Variants in RBFOX1 observed in about 807,000 individuals in gnomAD.
RBFOX1 encodes the protein RNA binding fox-1 homolog 1.
Under a neutral mutation model 57.7 loss-of-function variants are expected in RBFOX1, and 8 were observed. The observed-to-expected ratio is 0.14, with a 90% CI of 0.08 to 0.25. RBFOX1 has a LOEUF of 0.25. Among genes scored for constraint, RBFOX1 ranks in the 10% least tolerant of loss-of-function variants. The probability of loss-of-function intolerance (pLI) is 1.00; values close to 1 mark genes in which losing one functional copy is unlikely to be tolerated. For synonymous variants in RBFOX1, 326 were observed against 222.4 expected (o/e 1.47, Z -4.15); for missense variants, 611 against 548.5 (o/e 1.11, Z -1.14).
chr16:7,177,073 T>C (rs1310116670), intron 4 of RBFOX1, among the ~76,000 whole-genome samples: 1 of 152,214 alleles, frequency 6.6e-6, no homozygotes, highest in Non-Finnish European at 1.5e-5. Flanking sequence ...AGACATTGCC[T>C]GTCATAAAAA....
rs1006885711 is a variant in RBFOX1, at chr16:6,219,494, A to G, written c.-126-97501A>G. 3.3e-5 allele frequency among the ~76,000 whole-genome samples: 5 copies of G among 152,306 alleles called. No homozygotes were observed. The East Asian group carries it at 5.8e-4, about 18-fold the overall frequency. The stretch of plus-strand genomic sequence containing the variant: ...CGGTCAAGTCTGAGCTTCATTTTCT[A>G]TTGATCCAGTCGTGGTCTTTTCCAA... On this transcript the variant is annotated intron_variant, in intron 1 of 15. Coordinates refer to ENST00000550418, the MANE Select transcript of RBFOX1 (RefSeq NM_018723.4).
intron 4 of RBFOX1, among the ~76,000 whole-genome samples, chr16:5,923,708 T>A (rs1162295142): frequency 1.3e-5 from 2 of 151,876 alleles, no homozygotes; most frequent in Non-Finnish European, 2.9e-5. Flanking sequence ...CACCTGCTAA[T>A]TTTTGTGTTT....
rs2061494929 is a variant in RBFOX1, at chr16:6,699,322, A to C, written c.-16+44672A>C. On this transcript the variant is annotated intron_variant, in intron 3 of 15. Transcript: ENST00000550418. ...TACTTTTTTTTTTTTTTTTAAAGTG[A>C]CTTTCAGGATCAGTGACTAAAATAA... Among the ~76,000 whole-genome samples, 4 of 145,896 alleles carry C rather than the reference A, an allele frequency of 2.7e-5. No individual in the cohort carries two copies. The Admixed American group carries it at 2.7e-4, about 10-fold the overall frequency.
chr16:7,604,138 G>A (rs1295144516), intron 9 of RBFOX1, among the ~76,000 whole-genome samples: 2 of 152,144 alleles, frequency 1.3e-5, no homozygotes, highest in Admixed American at 1.3e-4. Context: ...TTTATTTTGA[G>A]CAACCAAGTA....
At chr16:6,262,036 C>CAAAA (rs747451048) in intron 1 of RBFOX1, among the ~76,000 whole-genome samples, 1 of 141,360 alleles carries the variant, frequency 7.1e-6, no homozygotes, top group Admixed American at 7.0e-5. Flanking sequence ...CTCAGAAAAA[C>CAAAA]AAAAAAAAAA....
rs535196780 is a variant in RBFOX1 at position 6,990,811 on chromosome 16, G to A, written c.-15-61246G>A. ...ACTGCTTGTTAAGGTCCAGGAAGCT[G>A]ATACATATCAGTGAGTGCTGATAAC... On this transcript the variant is annotated intron_variant, in intron 3 of 15. Coordinates refer to ENST00000550418, the MANE Select transcript of RBFOX1 (RefSeq NM_018723.4). 3.4e-4 allele frequency among the ~76,000 whole-genome samples: 51 copies of A among 152,236 alleles called. 2 individuals are homozygous for A. In the South Asian group the frequency reaches 3.7e-3, roughly 11 times the overall value.
In RBFOX1 at chr16:7,380,731, T is replaced by C. The variant is rs188723845; in HGVS notation, c.28-137416T>C. ...TTTTCGTTTGCACCTGAATATTCCA[T>C]GGCTATAGCCACAGCTAGAAATCCA... On this transcript the variant is annotated intron_variant, in intron 4 of 15. Transcript: ENST00000550418. 3.2e-3 allele frequency among the ~76,000 whole-genome samples: 484 copies of C among 152,182 alleles called. 2 individuals are homozygous for C. Among genetic ancestry groups the C allele is most frequent in the Non-Finnish European group, 5.5e-3 (375 of 67,976 alleles).
At chr16:5,624,279 C>G (rs970251139) in intron 3 of RBFOX1, among the ~76,000 whole-genome samples, 1 of 152,232 alleles carries the variant, frequency 6.6e-6, no homozygotes, top group East Asian at 1.9e-4. Context: ...ACTGCAAGCT[C>G]TACCTTCTGG....
intron 3 of RBFOX1, among the ~76,000 whole-genome samples, chr16:6,938,796 GT>G (rs1300326276): frequency 2.6e-5 from 4 of 152,122 alleles, no homozygotes; most frequent in African/African-American, 9.7e-5. Context: ...GCTGGGTGTG[GT>G]GGGTTGTGCC....
At chr16:7,030,202 T>G (rs1205655592) in intron 3 of RBFOX1, among the ~76,000 whole-genome samples, 1 of 152,120 alleles carries the variant, frequency 6.6e-6, no homozygotes, top group Non-Finnish European at 1.5e-5. Flanking sequence ...TTCTAAATGG[T>G]TGGATCATGA....
rs141339952 is a variant in RBFOX1, at chr16:7,374,305, C to G, written c.28-143842C>G. ...CTGTGTAAGGGGAATAGCGGAATGT[C>G]CTTCTTAAGGTGTTTGGCACAATAC... On this transcript the variant is annotated intron_variant, in intron 4 of 15. Transcript: ENST00000550418. Among the ~76,000 whole-genome samples the G allele has an allele frequency of 2.0e-5, 3 of 152,158 alleles. No individual in the cohort carries two copies. In the South Asian group the frequency reaches 6.2e-4, roughly 32 times the overall value.
At chr16:7,138,360 A>G (rs1237999237) in intron 4 of RBFOX1, among the ~76,000 whole-genome samples, 2 of 152,152 alleles carry the variant, frequency 1.3e-5, no homozygotes, top group Non-Finnish European at 2.9e-5. Flanking sequence ...ACTTCTGTAA[A>G]TCTTGGCTTT....
rs1164166489 is a variant in RBFOX1 at position 5,998,821 on chromosome 16, A to T, written c.351+131486A>T. ...GCACCCACATCAGATGTTACTACGT[A>T]TATAAATTCACGTGTCATATTGCAG... On this transcript the variant is annotated intron_variant, in intron 4 of 19. Coordinates refer to the RBFOX1 transcript ENST00000641259. Among the ~76,000 whole-genome samples, 4 of 152,330 alleles carry T rather than the reference A, an allele frequency of 2.6e-5. No individual in the cohort carries two copies. The East Asian group carries it at 7.7e-4, about 29-fold the overall frequency.
intron 2 of RBFOX1, among the ~76,000 whole-genome samples, chr16:6,524,202 C>G (rs2096547628): frequency 1.3e-5 from 2 of 152,162 alleles, no homozygotes; most frequent in Admixed American, 6.5e-5. Flanking sequence ...TGAGTTCTAT[C>G]ATTTTTATTT....
intron 1 of RBFOX1, among the ~76,000 whole-genome samples, chr16:6,211,624 C>A (rs1265766200): frequency 6.6e-6 from 1 of 152,064 alleles, no homozygotes; most frequent in Non-Finnish European, 1.5e-5. Context: ...TATGTCAGGT[C>A]CCCGTTTGTA....
chr16:7,254,440 T>G (rs184657030), intron 4 of RBFOX1, among the ~76,000 whole-genome samples: 1 of 152,158 alleles, frequency 6.6e-6, no homozygotes, highest in Non-Finnish European at 1.5e-5. Context: ...ACTGGCCTGA[T>G]TAAACAAGCT....
At chr16:5,552,060 T>C (rs2045486647) in intron 2 of RBFOX1, among the ~76,000 whole-genome samples, 1 of 152,174 alleles carries the variant, frequency 6.6e-6, no homozygotes, top group Admixed American at 6.5e-5. Context: ...TCTAAGGATA[T>C]GCATAATAAT....
At chr16:6,817,733 C>CCAA (rs1332822013) in intron 3 of RBFOX1, among the ~76,000 whole-genome samples, 1 of 151,822 alleles carries the variant, frequency 6.6e-6, no homozygotes, top group Non-Finnish European at 1.5e-5. Context: ...AAAAAAACTA[C>CCAA]CAACAGTCTA....
chr16:6,962,668 C>A (rs971379790), intron 3 of RBFOX1, among the ~76,000 whole-genome samples: 4 of 152,052 alleles, frequency 2.6e-5, no homozygotes, highest in Non-Finnish European at 5.9e-5. Flanking sequence ...AGTTCAAGAC[C>A]AGCCTGAGCA....
Sources: allele counts gnomAD v4.1 joint callset (sites outside exome capture counted in the v4.1 genomes callset), GRCh38; gene constraint gnomAD v4.1.1; transcripts MANE v1.5; gene names NCBI Gene and HGNC (gene_info 2026-07-23, HGNC 2026-07-21).